SMURF2: variants seen among roughly 807,000 people sequenced by gnomAD.
The protein encoded by SMURF2 is SMAD specific E3 ubiquitin protein ligase 2, also known as E3 ubiquitin-protein ligase SMURF2.
SMURF2 carries 48 observed loss-of-function variants against 109.6 expected under a neutral mutation model. The observed-to-expected ratio is 0.44, with a 90% CI of 0.35 to 0.56. SMURF2 has a LOEUF of 0.56. Among genes scored for constraint, SMURF2 ranks in the 20% least tolerant of loss-of-function variants. The pLI, the probability that SMURF2 is intolerant of heterozygous loss-of-function variation, is 0.01. For synonymous variants in SMURF2, 288 were observed against 317.1 expected (o/e 0.91, Z 0.97); for missense variants, 575 against 909.0 (o/e 0.63, Z 4.72).
At chr17:64,588,422 G>C (rs1349227246) in intron 5 of SMURF2, among the ~76,000 whole-genome samples, 1 of 151,696 alleles carries the variant, frequency 6.6e-6, no homozygotes, top group African/African-American at 2.4e-5. Flanking sequence ...TAATTATTAA[G>C]TTATGATATA....
intron 3 of SMURF2, among the ~76,000 whole-genome samples, chr17:64,594,713 G>A (rs79563311): frequency 0.057 from 8,625 of 152,172 alleles, 358 homozygotes; most frequent in Admixed American, 0.14. Flanking sequence ...TAGGCCGGGC[G>A]CGGTGGCTCA....
intron 11 of SMURF2, among the ~76,000 whole-genome samples, chr17:64,562,222 G>T (rs1969229569): frequency 7.0e-6 from 1 of 142,266 alleles, no homozygotes; most frequent in Middle Eastern, 3.7e-3. Context: ...GAACCCAGGA[G>T]GCAGAGGTTG....
At chr17:64,583,378 C>G in intron 7 of SMURF2, 83 bp downstream of exon 7, 2 of 1,139,994 alleles carry the variant, frequency 1.8e-6, no homozygotes, top group Non-Finnish European at 2.6e-6. Flanking sequence ...GAAAAAAAAT[C>G]TAGTAAAGCT....
chr17:64,617,148 T>C (rs1050650477), intron 1 of SMURF2, among the ~76,000 whole-genome samples: 2 of 150,990 alleles, frequency 1.3e-5, no homozygotes, highest in African/African-American at 2.4e-5. Flanking sequence ...AAACGGTTAA[T>C]TGAAAACTAG....
At position 64,555,784 on chromosome 17, in the gene SMURF2, A is replaced by T. The variant is rs782525367; in HGVS notation, c.1610+36T>A. On this transcript the variant is annotated intron_variant, in intron 14 of 18. Coordinates refer to ENST00000262435, the MANE Select transcript of SMURF2 (RefSeq NM_022739.4). ...AAACATATTTTTTTTTAAAGCTCAG[A>T]GTTTATAATGAAGAGATAGAAGACT... The T allele has an allele frequency of 5.7e-6, 8 of 1,402,074 alleles. No individual in the cohort carries two copies. In the South Asian group the frequency reaches 1.2e-4, roughly 21 times the overall value. 86.9% of individuals were successfully genotyped at this position (1,402,074 alleles called of 1,614,324 possible). A position where few individuals can be genotyped will look rare whatever the true frequency, so the allele number is the denominator to read the frequency against.
rs1292676699 is a variant in SMURF2 at position 64,543,800 on chromosome 17, A to T, written c.*2048T>A. On this transcript the variant is annotated 3_prime_UTR_variant, in exon 19 of 19. Transcript: ENST00000262435. ...TAAACTGCACTAGTGCTTTAATATA[A>T]AAGAGAGATGGGTCTGCAACCAGTA... 1 of 152,228 alleles carries T rather than the reference A, an allele frequency of 6.6e-6. No homozygotes were observed. The highest frequency in any genetic ancestry group is 1.5e-5 in the Non-Finnish European group (1 of 68,044). The allele number at this position is 152,228 out of a possible 1,614,324, so 9.4% of individuals were successfully genotyped here.
At chr17:64,546,030 T>A (rs1555683077) in intron 18 of SMURF2, 83 bp from the exon 19 acceptor site, 2 of 938,754 alleles carry the variant, frequency 2.1e-6, no homozygotes, top group Non-Finnish European at 3.4e-6. Flanking sequence ...TATAGCCACA[T>A]CACTCTGTGT....
chr17:64,602,865 C>T (rs1199467674), intron 2 of SMURF2, among the ~76,000 whole-genome samples: 4 of 151,944 alleles, frequency 2.6e-5, no homozygotes, highest in Non-Finnish European at 2.9e-5. Flanking sequence ...GCGGAGGTTG[C>T]AGTGAGTCGA....
chr17:64,557,526 A>AT (rs1969139760), intron 13 of SMURF2, 82 bp downstream of exon 13: 2 of 957,982 alleles, frequency 2.1e-6, no homozygotes, highest in East Asian at 5.3e-5. Context: ...AGGACAAATA[A>AT]TTTCTATATA....
At chr17:64,546,770 A>T (rs1459339618) in intron 17 of SMURF2, among the ~76,000 whole-genome samples, 1 of 152,244 alleles carries the variant, frequency 6.6e-6, no homozygotes, top group African/African-American at 2.4e-5. Context: ...AATCCATTTC[A>T]GTTCGCACAG....
intron 1 of SMURF2, among the ~76,000 whole-genome samples, chr17:64,637,594 C>T (rs1970433911): frequency 6.6e-6 from 1 of 150,950 alleles, no homozygotes; most frequent in South Asian, 2.1e-4. Flanking sequence ...GACGGAGTCT[C>T]ATTCTGTTGC....
Position 64,593,423 on chromosome 17 carries a change from C to T in SMURF2, c.334+17G>A. 6.3e-7 allele frequency: 1 copy of T among 1,594,126 alleles called. No homozygotes were observed. Among genetic ancestry groups the T allele is most frequent in the South Asian group, 1.1e-5 (1 of 88,814 alleles). ...CATATATGTTTTTTAATTGGAAAAGCACTCGTATCTACTCACAACCAGTGT... is the reference window on the plus strand; with the variant it reads ...CATATATGTTTTTTAATTGGAAAAGTACTCGTATCTACTCACAACCAGTGT... On this transcript the variant is annotated intron_variant, in intron 4 of 18. Coordinates refer to ENST00000262435, the MANE Select transcript of SMURF2 (RefSeq NM_022739.4).
chr17:64,624,559 T>C (rs1363500079), intron 1 of SMURF2, among the ~76,000 whole-genome samples: 3 of 148,204 alleles, frequency 2.0e-5, no homozygotes, highest in African/African-American at 7.5e-5. Flanking sequence ...TGGTGGCAAA[T>C]GCCTGTAGAC....
rs1465882528 is a variant in SMURF2 at position 64,545,735 on chromosome 17, G to C, written c.*113C>G. The C allele has an allele frequency of 3.9e-3, 357 of 91,996 alleles. 3 individuals are homozygous for C. The African/African-American group carries it at 0.063, about 16-fold the overall frequency. 5.7% of individuals were successfully genotyped at this position (91,996 alleles called of 1,614,324 possible). On this transcript the variant is annotated 3_prime_UTR_variant, in exon 19 of 19. Transcript: ENST00000262435. ...AAAATGTAAAAAAAAAAAAAAAAAG[G>C]GGGGGGGGGGGAGTGTTTTCCTGTA...
At chr17:64,583,744 C>T (rs1969608319) in intron 6 of SMURF2, among the ~76,000 whole-genome samples, 200 bp from the exon 7 acceptor site, 1 of 152,074 alleles carries the variant, frequency 6.6e-6, no homozygotes, top group African/African-American at 2.4e-5. Flanking sequence ...AGTATTTATG[C>T]TGAGGTGTAA....
intron 16 of SMURF2, among the ~76,000 whole-genome samples, chr17:64,550,313 C>T (rs1182166046): frequency 6.6e-6 from 1 of 152,178 alleles, no homozygotes; most frequent in Non-Finnish European, 1.5e-5. Flanking sequence ...TTATCCCTAA[C>T]TACTAAATAA....
chr17:64,634,832 T>C (rs1315448377), intron 1 of SMURF2, among the ~76,000 whole-genome samples: 1 of 152,210 alleles, frequency 6.6e-6, no homozygotes, highest in African/African-American at 2.4e-5. Flanking sequence ...GCATTCAGAT[T>C]TCATGAAGCC....
At position 64,545,760 on chromosome 17, in the gene SMURF2, A is replaced by C; in HGVS notation, c.*88T>G. 3.3e-6 allele frequency: 1 copy of C among 307,190 alleles called. No homozygotes were observed. The highest frequency in any genetic ancestry group is 5.8e-6 in the Non-Finnish European group (1 of 171,614). The allele number at this position is 307,190 out of a possible 1,614,324, so 19.0% of individuals were successfully genotyped here. A position where few individuals can be genotyped will look rare whatever the true frequency, so the allele number is the denominator to read the frequency against. On this transcript the variant is annotated 3_prime_UTR_variant, in exon 19 of 19. Transcript: ENST00000262435. ...GGGGGGGGGGGGAGTGTTTTCCTGTATTTCAGCATATTCTTTGAAACTCTG... is the reference window on the plus strand; with the variant it reads ...GGGGGGGGGGGGAGTGTTTTCCTGTCTTTCAGCATATTCTTTGAAACTCTG...
At chr17:64,590,894 T>TG (rs1279496132) in intron 5 of SMURF2, among the ~76,000 whole-genome samples, 190 bp downstream of exon 5, 1 of 151,876 alleles carries the variant, frequency 6.6e-6, no homozygotes, top group East Asian at 1.9e-4. Flanking sequence ...AAAACTTTTT[T>TG]TTTTTTTTAC....
Sources: allele counts gnomAD v4.1 joint callset (sites outside exome capture counted in the v4.1 genomes callset), GRCh38; gene constraint gnomAD v4.1.1; transcripts MANE v1.5; gene names NCBI Gene and HGNC (gene_info 2026-07-23, HGNC 2026-07-21).